The following RPH3AL variants were observed in gnomAD, a reference collection of about 807,000 sequenced individuals.
RPH3AL encodes rabphilin 3A like (without C2 domains), also known as rab effector Noc2.
Under a neutral mutation model 43.1 loss-of-function variants are expected in RPH3AL, and 38 were observed. That is an observed-to-expected ratio of 0.88 (90% CI 0.68 to 1.15). The LOEUF is 1.15. Ranked by LOEUF, RPH3AL falls within the 50% of genes most tolerant of loss-of-function variation. The probability of loss-of-function intolerance (pLI) is 0.00; values close to 1 mark genes in which losing one functional copy is unlikely to be tolerated. For missense variants in RPH3AL, 462 were observed against 423.2 expected, an observed-to-expected ratio of 1.09 and a Z score of -0.81; for synonymous variants, 189 against 176.3, an observed-to-expected ratio of 1.07 and a Z score of -0.57.
intron 6 of RPH3AL, among the ~76,000 whole-genome samples, chr17:277,860 G>T (rs944890758): frequency 2.0e-5 from 3 of 152,064 alleles, no homozygotes; most frequent in Admixed American, 2.0e-4. Context: ...GAGGCTGAGG[G>T]GGGAGGGTTG....
Position 290,377 on chromosome 17 carries a change from G to A in RPH3AL, c.352-8523C>T, listed in dbSNP as rs1448478742. Among the ~76,000 whole-genome samples, 2 of 151,830 alleles carry A rather than the reference G, an allele frequency of 1.3e-5. No homozygotes were observed. The highest frequency in any genetic ancestry group is 4.8e-5 in the African/African-American group (2 of 41,340). On this transcript the variant is annotated intron_variant, in intron 5 of 9. Coordinates refer to ENST00000331302, the MANE Select transcript of RPH3AL (RefSeq NM_006987.4). The surrounding 1 kb of genome is among the most constrained non-coding windows in gnomAD (Gnocchi z 4.2). Reference sequence around the variant, plus strand: ...CCGGCCACAGGGGAAATGACTCCGGGAATCCTTCACTGAGGGTGGGAAGCG... The same window carrying A: ...CCGGCCACAGGGGAAATGACTCCGGAAATCCTTCACTGAGGGTGGGAAGCG...
chr17:281,664 G>GGGCCC, intron 6 of RPH3AL, 104 bp downstream of exon 6: 3 of 574,670 alleles, frequency 5.2e-6, no homozygotes, highest in Non-Finnish European at 9.8e-6. Flanking sequence ...AGCGTATCCA[G>GGGCCC]CCCGCCCAGC....
chr17:272,976 AGCAAGGGCTACG>A (rs2042525638), intron 6 of RPH3AL, among the ~76,000 whole-genome samples: 20 of 102,796 alleles, frequency 1.9e-4, no homozygotes, highest in Admixed American at 1.1e-3. Flanking sequence ...GTGAGACCCC[AGCAAGGGCTACG>A]TCAGGGTGAG....
At chr17:216,192 C>T (rs1313868442) in intron 8 of RPH3AL, among the ~76,000 whole-genome samples, 5 of 114,700 alleles carry the variant, frequency 4.4e-5, no homozygotes, top group Admixed American at 8.8e-5. Flanking sequence ...ACATGGCTGC[C>T]GGGCTCTGGC....
At position 219,730 on chromosome 17, in the gene RPH3AL, G is replaced by C; in HGVS notation, c.620C>G (p.Ser207Cys). Residue 207 changes from serine (S) to cysteine (C), a missense_variant, in exon 8 of 10, where the codon TCC becomes TGC. Physicochemically the swap from Ser to Cys is moderately radical, Grantham distance 112. Transcript: ENST00000331302. ...IYTWARGRVV[S>C]SDSDSDSDLS... ...ATCCGAGTCACTGTCACTGTCACTG[G>C]AAACCACTGGAAGAGACAGACCACA... 2.5e-6 allele frequency: 4 copies of C among 1,611,578 alleles called. No homozygotes were observed. Among genetic ancestry groups the C allele is most frequent in the Non-Finnish European group, 3.4e-6 (4 of 1,178,048 alleles).
chr17:272,118 G>A (rs910539882), intron 6 of RPH3AL, among the ~76,000 whole-genome samples: 4 of 152,220 alleles, frequency 2.6e-5, no homozygotes, highest in East Asian at 3.9e-4. Context: ...AGGTGCTGGA[G>A]AGGATGTGGA....
In RPH3AL at chr17:250,108, A is replaced by T. The variant is rs2041857634; in HGVS notation, c.439-2823T>A. On this transcript the variant is annotated intron_variant, in intron 6 of 9. Transcript: ENST00000331302. Reference sequence around the variant, plus strand: ...TGCGGGACCTCTCAGAGCCTTTACTAAGCTCCATCGCTGCGGGACCTCTCG... The same window carrying T: ...TGCGGGACCTCTCAGAGCCTTTACTTAGCTCCATCGCTGCGGGACCTCTCG... Among the ~76,000 whole-genome samples, 7 of 141,580 alleles carry T rather than the reference A, an allele frequency of 4.9e-5. No individual in the cohort carries two copies. The South Asian group carries it at 1.6e-3, about 32-fold the overall frequency. 92.9% of individuals were successfully genotyped at this position (141,580 alleles called of 152,430 possible).
chr17:314,411 ACCTCCACTGACATGTAGTCCCTCTGC>A (rs1260900567), intron 5 of RPH3AL, among the ~76,000 whole-genome samples: 11,041 of 151,238 alleles, frequency 0.073, 794 homozygotes, highest in African/African-American at 0.18. Flanking sequence ...TCTGTGCCCC[ACCTCCACTGACATGTAGTCCCTCTGC>A]CCCCACCTCC....
At chr17:221,564 AATAG>A (rs2040975949) in intron 7 of RPH3AL, among the ~76,000 whole-genome samples, 4 of 113,108 alleles carry the variant, frequency 3.5e-5, no homozygotes, top group South Asian at 3.1e-4. Flanking sequence ...TCACTGAGAC[AATAG>A]ACCCAAGCAC....
chr17:223,226 G>A (rs902372151), intron 7 of RPH3AL, among the ~76,000 whole-genome samples: 12 of 151,340 alleles, frequency 7.9e-5, no homozygotes, highest in African/African-American at 1.7e-4. Context: ...CCAAAGTCTC[G>A]GTTTTCATGA....
chr17:262,502 CCG>C, intron 6 of RPH3AL, among the ~76,000 whole-genome samples: 1 of 152,062 alleles, frequency 6.6e-6, no homozygotes, highest in Non-Finnish European at 1.5e-5. Context: ...GCGTGAGCCA[CCG>C]CACCCGGCCA....
Position 322,654 on chromosome 17 carries a change from G to C in RPH3AL, c.78-1239C>G, listed in dbSNP as rs144451606. Among the ~76,000 whole-genome samples, 1 of 152,250 alleles carries C rather than the reference G, an allele frequency of 6.6e-6. No individual in the cohort carries two copies. The highest frequency in any genetic ancestry group is 1.5e-5 in the Non-Finnish European group (1 of 68,022). On this transcript the variant is annotated intron_variant, in intron 3 of 9. Transcript: ENST00000331302. The surrounding 1 kb of genome is among the most constrained non-coding windows in gnomAD (Gnocchi z 4.0). ...TTTAGGGAAGTGTCAGAAGGCAAGA[G>C]TCCTGGAGGCAGGACCTAGGGCAGC...
chr17:290,490 C>T lies in RPH3AL; in HGVS notation c.352-8636G>A, dbSNP rs2151620936. Among the ~76,000 whole-genome samples, 1 of 152,280 alleles carries T rather than the reference C, an allele frequency of 6.6e-6. No homozygotes were observed. Among genetic ancestry groups the T allele is most frequent in the East Asian group, 1.9e-4 (1 of 5,178 alleles). On this transcript the variant is annotated intron_variant, in intron 5 of 9. Coordinates refer to ENST00000331302, the MANE Select transcript of RPH3AL (RefSeq NM_006987.4). The surrounding 1 kb of genome is among the most constrained non-coding windows in gnomAD (Gnocchi z 4.2). ...GGCCGCCTATGTGTGCAGACCCGTC[C>T]CAAGGCCTGATCAGGCACCTTCCTC... is the stretch of plus-strand genomic sequence containing the variant.
chr17:235,202 G>A (rs185995418), intron 7 of RPH3AL, among the ~76,000 whole-genome samples: 47 of 151,018 alleles, frequency 3.1e-4, no homozygotes, highest in Middle Eastern at 3.4e-3. Context: ...GAGGGATCCC[G>A]GGTTCAAAGC....
chr17:213,928 G>A lies in RPH3AL; in HGVS notation c.877-5C>T. On this transcript the variant is annotated splice_polypyrimidine_tract_variant and splice_region_variant and intron_variant, in intron 9 of 9. Transcript: ENST00000331302. ...TCGTCCAGGTGTGTCTTTTACCTTTGGATGAGAGAAAAGGCCACCACATGG... is the reference window on the plus strand; with the variant it reads ...TCGTCCAGGTGTGTCTTTTACCTTTAGATGAGAGAAAAGGCCACCACATGG... The A allele has an allele frequency of 6.2e-7, 1 of 1,611,200 alleles. No homozygotes were observed. Among genetic ancestry groups the A allele is most frequent in the Non-Finnish European group, 8.5e-7 (1 of 1,178,384 alleles).
intron 1 of RPH3AL, among the ~76,000 whole-genome samples, chr17:352,216 G>T (rs928412535): frequency 6.6e-6 from 1 of 152,184 alleles, no homozygotes; most frequent in Non-Finnish European, 1.5e-5. Context: ...AGTCTTGCAC[G>T]CAGCATAACA....
chr17:317,707 G>T (rs914321217), intron 5 of RPH3AL, among the ~76,000 whole-genome samples: 5 of 152,348 alleles, frequency 3.3e-5, no homozygotes, highest in Non-Finnish European at 7.3e-5. Context: ...AGCAGGAAAA[G>T]AAATGAGGTA....
rs1348868348 is a variant in RPH3AL at position 215,711 on chromosome 17, C to T, written c.819G>A (p.Gly273=). ...CCCCTGGCGGGTCAGCAGAGCCTGTCCCCGTCTCACCACTGGCCAGGCTGC... is the reference window on the plus strand; with the variant it reads ...CCCCTGGCGGGTCAGCAGAGCCTGTTCCCGTCTCACCACTGGCCAGGCTGC... ...CQSSLASGET[G]TGSADPPGGP... is the part of the protein sequence containing the mutation. The change falls in exon 9 of 10, where the codon GGG becomes GGA. Residue 273 remains glycine (G), a synonymous_variant. Transcript: ENST00000331302. The surrounding 1 kb of genome is among the most constrained non-coding windows in gnomAD (Gnocchi z 4.1). 7.7e-7 allele frequency: 1 copy of T among 1,291,670 alleles called. No individual in the cohort carries two copies. Among genetic ancestry groups the T allele is most frequent in the African/African-American group, 1.5e-5 (1 of 64,776 alleles). The allele number at this position is 1,291,670 out of a possible 1,614,324, so 80.0% of individuals were successfully genotyped here. A position where few individuals can be genotyped will look rare whatever the true frequency, so the allele number is the denominator to read the frequency against.
chr17:241,113 G>A (rs979580862), intron 7 of RPH3AL, among the ~76,000 whole-genome samples: 2 of 149,384 alleles, frequency 1.3e-5, no homozygotes, highest in Admixed American at 1.3e-4. Context: ...TGTTGGCCAA[G>A]GATGGTGGCT....
Sources: allele counts gnomAD v4.1 joint callset (sites outside exome capture counted in the v4.1 genomes callset), GRCh38; gene constraint gnomAD v4.1.1; non-coding constraint Gnocchi (gnomAD v3.1); transcripts MANE v1.5; gene names NCBI Gene and HGNC (gene_info 2026-07-23, HGNC 2026-07-21).